The following XPNPEP1 variants were observed in gnomAD, a reference collection of about 807,000 sequenced individuals.
The protein encoded by XPNPEP1 is xaa-Pro aminopeptidase 1.
XPNPEP1 carries 39 observed loss-of-function variants against 92.4 expected under a neutral mutation model. The ratio of observed to expected loss-of-function variants is 0.42; its 90% CI spans 0.33 to 0.55. The LOEUF is 0.55. Among genes scored for constraint, XPNPEP1 ranks in the 20% least tolerant of loss-of-function variants. XPNPEP1 has a pLI of 0.08. For missense variants in XPNPEP1, 654 were observed against 856.1 expected, an observed-to-expected ratio of 0.76 and a Z score of 2.95; for synonymous variants, 307 against 299.4, an observed-to-expected ratio of 1.03 and a Z score of -0.26.
chr10:109,873,671 T>C (rs1405053513), intron 15 of XPNPEP1: 2 of 510,928 alleles, frequency 3.9e-6, no homozygotes, highest in East Asian at 6.3e-5. Context: ...ACACAAAAAC[T>C]TGTACATGAA....
intron 1 of XPNPEP1, among the ~76,000 whole-genome samples, chr10:109,922,534 C>G (rs1850600097): frequency 6.6e-6 from 1 of 152,174 alleles, no homozygotes; most frequent in African/African-American, 2.4e-5. Context: ...TTGGGACCCC[C>G]CTACTCACAA....
chr10:109,897,020 C>T (rs950967116), intron 3 of XPNPEP1, among the ~76,000 whole-genome samples: 1 of 152,130 alleles, frequency 6.6e-6, no homozygotes, highest in Non-Finnish European at 1.5e-5. Flanking sequence ...GGGAAAAGAT[C>T]GTAAGGGATT....
At chr10:109,876,506 T>G (rs999636602) in intron 14 of XPNPEP1, 1 of 152,238 alleles carries the variant, frequency 6.6e-6, no homozygotes, top group African/African-American at 2.4e-5. Flanking sequence ...ATGTTTTAAT[T>G]ATACGGAAAA....
intron 20 of XPNPEP1, among the ~76,000 whole-genome samples, chr10:109,865,943 G>C (rs1847117695): frequency 6.6e-6 from 1 of 152,208 alleles, no homozygotes; most frequent in Non-Finnish European, 1.5e-5. Flanking sequence ...GGCAGGACTT[G>C]GTGCCTGGGC....
chr10:109,871,848 T>C lies in XPNPEP1; in HGVS notation c.1466A>G (p.Tyr489Cys). ...PTAYEKECFT[Y>C]VLKGHIAVSA... Reference sequence around the variant, plus strand: ...CACAGCTATGTGGCCCTTGAGGACATATGTGAAGCATTCCTGCAAAGAAAA... The same window carrying C: ...CACAGCTATGTGGCCCTTGAGGACACATGTGAAGCATTCCTGCAAAGAAAA... The change falls in exon 17 of 21, where the codon TAT becomes TGT. Residue 489 changes from tyrosine (Y) to cysteine (C), a missense_variant. Physicochemically the swap from Tyr to Cys is radical, Grantham distance 194. Coordinates refer to ENST00000502935, the MANE Select transcript of XPNPEP1 (RefSeq NM_020383.4). 6.2e-7 allele frequency: 1 copy of C among 1,614,050 alleles called. No individual in the cohort carries two copies.
chr10:109,877,799 A>C lies in XPNPEP1; in HGVS notation c.1310T>G (p.Ile437Ser), dbSNP rs1445949743. ...CCTCCGCATGCCTTACGCGTAGTGA[A>C]TGATGGCGCCGTTGGGTCCCGTACT... is the stretch of plus-strand genomic sequence containing the variant. ...ISSTGPNGAI[I>S]HYAPVPETNR... The change falls in exon 14 of 21, where the codon ATT (isoleucine) becomes AGT (serine). Residue 437 changes from isoleucine to serine, a missense_variant. Transcript: ENST00000502935. 1 of 1,614,252 alleles carries C rather than the reference A, an allele frequency of 6.2e-7. No homozygotes were observed.
chr10:109,882,587 G>T lies in XPNPEP1; in HGVS notation c.886C>A (p.Leu296Ile), dbSNP rs1388456044. 6.2e-7 allele frequency: 1 copy of T among 1,614,206 alleles called. No individual in the cohort carries two copies. The highest frequency in any genetic ancestry group is 2.2e-5 in the East Asian group (1 of 44,886). ...TATTCGGCTTCCAGACCCAAGTCAA[G>T]AAGCAGGTGCTCCTTCACACTGGGG... ...DAPSVKEHLL[L>I]DLGLEAEYRI... Residue 296 changes from leucine to isoleucine, a missense_variant, in exon 10 of 21, where the codon CTT becomes ATT. Leu to Ile is a conservative substitution (Grantham distance 5). Transcript: ENST00000502935.
At chr10:109,865,487 A>C (rs955454136) in intron 20 of XPNPEP1, among the ~76,000 whole-genome samples, 175 bp from the exon 21 acceptor site, 1 of 152,168 alleles carries the variant, frequency 6.6e-6, no homozygotes, top group African/African-American at 2.4e-5. Context: ...GTTTCCCCGG[A>C]AATACATAGG....
intron 5 of XPNPEP1, among the ~76,000 whole-genome samples, chr10:109,890,585 TGTGTGTGTGAGAGAGA>T (rs1223777096): frequency 2.0e-4 from 18 of 91,990 alleles, no homozygotes; most frequent in African/African-American, 5.5e-4. Flanking sequence ...TGTGTGTGTG[TGTGTGTGTGAGAGAGA>T]GAGAGAGAGA....
intron 12 of XPNPEP1, among the ~76,000 whole-genome samples, chr10:109,879,137 G>A (rs936663327): frequency 6.6e-6 from 1 of 152,006 alleles, no homozygotes; most frequent in African/African-American, 2.4e-5. Flanking sequence ...AGCTAGTCGG[G>A]AGGCTGAGGC....
intron 3 of XPNPEP1, among the ~76,000 whole-genome samples, chr10:109,898,046 T>C (rs183341017): frequency 6.6e-5 from 10 of 152,312 alleles, no homozygotes; most frequent in South Asian, 2.1e-4. Flanking sequence ...AGTCTCACAA[T>C]TGGATTATAA....
At chr10:109,896,273 C>CTT (rs57532455) in intron 3 of XPNPEP1, among the ~76,000 whole-genome samples, 106 of 135,770 alleles carry the variant, frequency 7.8e-4, no homozygotes, top group African/African-American at 1.5e-3. Context: ...AGATATTTGT[C>CTT]TTTTTTTTTT....
intron 8 of XPNPEP1, 31 bp downstream of exon 8, chr10:109,886,215 C>T (rs377100565): frequency 5.0e-6 from 8 of 1,609,782 alleles, no homozygotes; most frequent in Non-Finnish European, 6.8e-6. Context: ...GATCGGGTAA[C>T]ATGCCCAAAC....
intron 3 of XPNPEP1, among the ~76,000 whole-genome samples, chr10:109,904,805 T>C (rs890483466): frequency 1.3e-5 from 2 of 152,188 alleles, no homozygotes; most frequent in African/African-American, 4.8e-5. Flanking sequence ...CTGTGTACCA[T>C]TGGTGGGAAT....
chr10:109,903,246 G>GT (rs1311603438), intron 3 of XPNPEP1, among the ~76,000 whole-genome samples: 1 of 152,168 alleles, frequency 6.6e-6, no homozygotes, highest in Non-Finnish European at 1.5e-5. Context: ...CTTAATTCAA[G>GT]TAACATTAGC....
chr10:109,920,202 G>C (rs1477911189), intron 1 of XPNPEP1, among the ~76,000 whole-genome samples: 1 of 152,214 alleles, frequency 6.6e-6, no homozygotes, highest in Non-Finnish European at 1.5e-5. Flanking sequence ...TAGACATGCA[G>C]TGTTGGTGGT....
At chr10:109,875,172 A>AT (rs563423224) in intron 15 of XPNPEP1, among the ~76,000 whole-genome samples, 201 of 152,280 alleles carry the variant, frequency 1.3e-3, no homozygotes, top group African/African-American at 4.7e-3. Context: ...CCCTTACTTC[A>AT]TAAGGCCCTG....
intron 3 of XPNPEP1, among the ~76,000 whole-genome samples, chr10:109,905,511 C>G (rs1270663200): frequency 2.6e-5 from 4 of 151,852 alleles, no homozygotes; most frequent in Admixed American, 6.6e-5. Flanking sequence ...ACTGGCCCAG[C>G]AAAATCTTAG....
intron 3 of XPNPEP1, among the ~76,000 whole-genome samples, chr10:109,905,642 A>G (rs995180966): frequency 1.3e-5 from 2 of 152,254 alleles, no homozygotes; most frequent in Admixed American, 6.5e-5. Context: ...GATCTGTTGC[A>G]CAACAATATG....
Sources: gnomAD v4.1 joint callset for allele counts (sites outside exome capture counted in the v4.1 genomes callset) on GRCh38, gnomAD v4.1.1 for gene constraint, MANE v1.5 for transcripts, NCBI Gene and HGNC (gene_info 2026-07-23, HGNC 2026-07-21) for gene names.